Variants in FIG4 observed in about 807,000 individuals in gnomAD.
FIG4 encodes the protein polyphosphoinositide phosphatase.
FIG4 carries 112 observed loss-of-function variants against 118.6 expected under a neutral mutation model. That is an observed-to-expected ratio of 0.94 (90% CI 0.81 to 1.11). FIG4 has a LOEUF of 1.11. Ranked by LOEUF, FIG4 falls within the 50% of genes least tolerant of loss-of-function variation. The probability of loss-of-function intolerance (pLI) is 0.00; values close to 1 mark genes in which losing one functional copy is unlikely to be tolerated. For missense variants in FIG4, 969 were observed against 1,111.7 expected, an observed-to-expected ratio of 0.87 and a Z score of 1.83; for synonymous variants, 369 against 381.2, an observed-to-expected ratio of 0.97 and a Z score of 0.37.
chr6:109,758,761 A>G (rs1327825430), intron 10 of FIG4, among the ~76,000 whole-genome samples: 1 of 152,230 alleles, frequency 6.6e-6, no homozygotes, highest in African/African-American at 2.4e-5. Context: ...CAAACTTACA[A>G]GAAAATACCC....
chr6:109,752,148 C>T (rs1417943591), intron 10 of FIG4, among the ~76,000 whole-genome samples: 1 of 151,722 alleles, frequency 6.6e-6, no homozygotes, highest in African/African-American at 2.4e-5. Context: ...TTCATCCATG[C>T]CCCTACAAAG....
At chr6:109,697,461 C>T (rs1279127612) in intron 1 of FIG4, among the ~76,000 whole-genome samples, 2 of 152,096 alleles carry the variant, frequency 1.3e-5, no homozygotes, top group Non-Finnish European at 1.5e-5. Flanking sequence ...GTTGAGCTGA[C>T]TGTTGACAAG....
intron 10 of FIG4, among the ~76,000 whole-genome samples, chr6:109,744,124 T>G (rs561046261): frequency 3.9e-5 from 6 of 152,118 alleles, no homozygotes; most frequent in Admixed American, 6.6e-5. Context: ...GAAATCAAAC[T>G]GTCACAGCCT....
At chr6:109,731,300 C>CACGT (rs1775992222) in intron 4 of FIG4, among the ~76,000 whole-genome samples, 1 of 152,146 alleles carries the variant, frequency 6.6e-6, no homozygotes, top group South Asian at 2.1e-4. Flanking sequence ...ATTGAAAATG[C>CACGT]ACGTTATCTA....
chr6:109,729,716 A>G (rs901550398), intron 4 of FIG4, among the ~76,000 whole-genome samples: 2 of 151,174 alleles, frequency 1.3e-5, no homozygotes, highest in Non-Finnish European at 3.0e-5. Context: ...TGAGGCTGCA[A>G]TGAGCCATGT....
chr6:109,784,214 C>T (rs1022154428), intron 16 of FIG4, among the ~76,000 whole-genome samples: 6 of 151,954 alleles, frequency 3.9e-5, no homozygotes, highest in African/African-American at 1.5e-4. Flanking sequence ...ATATCCTTTT[C>T]CTCTAAATAT....
intron 22 of FIG4, among the ~76,000 whole-genome samples, chr6:109,811,652 T>C (rs1778723518): frequency 1.3e-5 from 2 of 152,182 alleles, no homozygotes; most frequent in Admixed American, 6.5e-5. Context: ...GGCAGACTAG[T>C]ATTGACCTAA....
chr6:109,778,968 GTA>G (rs1401701198), intron 16 of FIG4, among the ~76,000 whole-genome samples: 1 of 152,098 alleles, frequency 6.6e-6, no homozygotes, highest in Admixed American at 6.5e-5. Context: ...CTCAGAATTT[GTA>G]TGTTTCTCAA....
At chr6:109,749,067 G>A (rs527459758) in intron 10 of FIG4, among the ~76,000 whole-genome samples, 40 of 145,990 alleles carry the variant, frequency 2.7e-4, no homozygotes, top group African/African-American at 1.0e-3. Context: ...GTGTGTGTGT[G>A]TGTGTGTGTG....
intron 22 of FIG4, among the ~76,000 whole-genome samples, chr6:109,798,354 A>C (rs1446861131): frequency 6.6e-6 from 1 of 152,168 alleles, no homozygotes. Context: ...TGATTCATGC[A>C]TTCATTTGCC....
At position 109,741,435 on chromosome 6, in the gene FIG4, A is replaced by G; in HGVS notation, c.776-9A>G. On this transcript the variant is annotated splice_polypyrimidine_tract_variant and intron_variant, in intron 7 of 22. Transcript: ENST00000230124. ...ATGAATGCTAAACAACCTTAACTTG[A>G]TTTCCAAGAGCTGTTGATCTATGGA... is the stretch of plus-strand genomic sequence containing the variant. 1.3e-6 allele frequency: 2 copies of G among 1,583,762 alleles called. No individual in the cohort carries two copies. The highest frequency in any genetic ancestry group is 1.7e-6 in the Non-Finnish European group (2 of 1,152,616).
intron 15 of FIG4, among the ~76,000 whole-genome samples, chr6:109,767,700 C>T (rs948490790): frequency 6.6e-6 from 1 of 152,118 alleles, no homozygotes; most frequent in African/African-American, 2.4e-5. Context: ...GAAACCCCGT[C>T]TCTACTAAAA....
chr6:109,738,717 AAGG>A (rs1776235673), intron 7 of FIG4, among the ~76,000 whole-genome samples: 1 of 152,176 alleles, frequency 6.6e-6, no homozygotes, highest in African/African-American at 2.4e-5. Flanking sequence ...TATCTGGGAG[AAGG>A]AGGAGAATTA....
intron 15 of FIG4, among the ~76,000 whole-genome samples, chr6:109,768,494 C>T (rs1331188601): frequency 6.6e-6 from 1 of 152,140 alleles, no homozygotes; most frequent in East Asian, 1.9e-4. Context: ...AGTACACATG[C>T]ATTATCTCAC....
At chr6:109,710,048 G>A (rs1775209549) in intron 1 of FIG4, among the ~76,000 whole-genome samples, 1 of 152,148 alleles carries the variant, frequency 6.6e-6, no homozygotes, top group African/African-American at 2.4e-5. Flanking sequence ...AGTTTTCAAG[G>A]GGAATGCTTC....
intron 21 of FIG4, 70 bp downstream of exon 21, chr6:109,792,734 AC>A (rs1240099072): frequency 8.8e-6 from 6 of 681,268 alleles, no homozygotes; most frequent in African/African-American, 2.3e-5. Flanking sequence ...TAACTACTAT[AC>A]CTTTTTTTTT....
intron 22 of FIG4, among the ~76,000 whole-genome samples, chr6:109,800,143 G>A (rs1417391856): frequency 6.6e-6 from 1 of 151,940 alleles, no homozygotes; most frequent in Non-Finnish European, 1.5e-5. Flanking sequence ...GAGGAACCAG[G>A]ATTTAAACCC....
At chr6:109,696,938 A>G (rs1774740938) in intron 1 of FIG4, among the ~76,000 whole-genome samples, 1 of 152,208 alleles carries the variant, frequency 6.6e-6, no homozygotes, top group African/African-American at 2.4e-5. Context: ...GGTGATGGAT[A>G]TGCTAATTAC....
chr6:109,706,904 G>A (rs1360126348), intron 1 of FIG4, among the ~76,000 whole-genome samples: 1 of 152,052 alleles, frequency 6.6e-6, no homozygotes, highest in Non-Finnish European at 1.5e-5. Flanking sequence ...GGTGAACGCT[G>A]TTAGATTGGT....
Sources: gnomAD v4.1 joint callset for allele counts (sites outside exome capture counted in the v4.1 genomes callset) on GRCh38, gnomAD v4.1.1 for gene constraint, MANE v1.5 for transcripts, NCBI Gene and HGNC (gene_info 2026-07-23, HGNC 2026-07-21) for gene names.